Variants in GPNMB observed in about 807,000 individuals in gnomAD.
The protein encoded by GPNMB is transmembrane glycoprotein NMB.
Under a neutral mutation model 57.3 loss-of-function variants are expected in GPNMB, and 71 were observed. The ratio of observed to expected loss-of-function variants is 1.24; its 90% CI spans 1.02 to 1.51. GPNMB has a LOEUF of 1.51. Ranked by LOEUF, GPNMB falls within the 40% of genes most tolerant of loss-of-function variation. The pLI, the probability that GPNMB is intolerant of heterozygous loss-of-function variation, is 0.00. For synonymous variants in GPNMB, 253 were observed against 263.2 expected, an observed-to-expected ratio of 0.96 and a Z score of 0.38; for missense variants, 677 against 691.9, an observed-to-expected ratio of 0.98 and a Z score of 0.24.
At chr7:23,254,632 A>G (rs1782734979) in intron 3 of GPNMB, among the ~76,000 whole-genome samples, 2 of 152,204 alleles carry the variant, frequency 1.3e-5, no homozygotes. Context: ...TGCTTTTATT[A>G]CTTGGAACTC....
chr7:23,266,362 A>G, intron 6 of GPNMB, 155 bp from the exon 7 acceptor site: 5 of 664,716 alleles, frequency 7.5e-6, no homozygotes, highest in Admixed American at 2.9e-5. Context: ...AAATTATGAC[A>G]CATTTAGTTC....
rs141824090 is a variant in GPNMB, at chr7:23,274,035, A to T, written c.1524-30A>T. 714 of 1,544,704 alleles carry T rather than the reference A, an allele frequency of 4.6e-4. 2 individuals are homozygous for T. The African/African-American group carries it at 8.9e-3, about 19-fold the overall frequency. ...TGTATATTTCAACTGAAGATCTTTTAAAAATAACTAACCAACAGATTGTTT... is the reference window on the plus strand; with the variant it reads ...TGTATATTTCAACTGAAGATCTTTTTAAAATAACTAACCAACAGATTGTTT... On this transcript the variant is annotated intron_variant, in intron 10 of 10. Transcript: ENST00000258733.
Position 23,260,066 on chromosome 7 carries a change from G to A in GPNMB, c.628G>A (p.Val210Met). Residue 210 changes from valine (V) to methionine (M), a missense_variant, in exon 5 of 11, where the codon GTG becomes ATG. Transcript: ENST00000258733. ...NVTLGPQLME[V>M]TVYRRHGRAY... ...GACACTTGGGCCTCAACTCATGGAA[G>A]TGACTGTCTACAGAAGACATGGACG... The A allele has an allele frequency of 6.2e-7, 1 of 1,614,074 alleles. No individual in the cohort carries two copies. Among genetic ancestry groups the A allele is most frequent in the Non-Finnish European group, 8.5e-7 (1 of 1,179,926 alleles).
intron 10 of GPNMB, 82 bp downstream of exon 10, chr7:23,273,696 C>T: frequency 1.1e-6 from 1 of 923,778 alleles, no homozygotes; most frequent in Non-Finnish European, 1.7e-6. Flanking sequence ...AGGCATTTTT[C>T]CCTTTTTTGC....
At chr7:23,263,584 C>G (rs1775250284) in intron 6 of GPNMB, among the ~76,000 whole-genome samples, 1 of 148,940 alleles carries the variant, frequency 6.7e-6, no homozygotes, top group Non-Finnish European at 1.5e-5. Flanking sequence ...TGCACTCCAG[C>G]CTGGGCGACA....
At chr7:23,266,276 G>T in intron 6 of GPNMB, 1 of 506,490 alleles carries the variant, frequency 2.0e-6, no homozygotes, top group East Asian at 3.4e-5. Context: ...TGCTTCTTGT[G>T]TTCACACAAA....
At chr7:23,261,986 C>A (rs1010864056) in intron 6 of GPNMB, among the ~76,000 whole-genome samples, 1 of 152,036 alleles carries the variant, frequency 6.6e-6, no homozygotes, top group South Asian at 2.1e-4. Context: ...ACTCAGCACC[C>A]CAGGATCCTG....
Position 23,246,811 on chromosome 7 carries a change from G to A in GPNMB, c.-47G>A. On this transcript the variant is annotated 5_prime_UTR_variant, in exon 1 of 11. Coordinates refer to ENST00000258733, the MANE Select transcript of GPNMB (RefSeq NM_002510.3). ...GTTGCTCTTGGTGGACGGGCCCAGAGGAATTCAGAGTTAAACCTTGAGTGC... is the reference window on the plus strand; with the variant it reads ...GTTGCTCTTGGTGGACGGGCCCAGAAGAATTCAGAGTTAAACCTTGAGTGC... 7.3e-7 allele frequency: 1 copy of A among 1,376,788 alleles called. No homozygotes were observed. The highest frequency in any genetic ancestry group is 1.0e-6 in the Non-Finnish European group (1 of 963,600). The allele number at this position is 1,376,788 out of a possible 1,614,324, so 85.3% of individuals were successfully genotyped here. A position where few individuals can be genotyped will look rare whatever the true frequency, so the allele number is the denominator to read the frequency against.
At chr7:23,262,587 T>C (rs1782950581) in intron 6 of GPNMB, among the ~76,000 whole-genome samples, 1 of 150,540 alleles carries the variant, frequency 6.6e-6, no homozygotes, top group African/African-American at 2.4e-5. Flanking sequence ...ATGTATGTAC[T>C]GTCATTTATT....
At chr7:23,266,339 C>T (rs979274358) in intron 6 of GPNMB, 178 bp from the exon 7 acceptor site, 6 of 614,850 alleles carry the variant, frequency 9.8e-6, no homozygotes, top group Non-Finnish European at 1.7e-5. Context: ...CCTTATAGCT[C>T]TCACATCTGT....
chr7:23,251,420 T>C (rs1413377900), intron 1 of GPNMB, among the ~76,000 whole-genome samples: 1 of 152,204 alleles, frequency 6.6e-6, no homozygotes, highest in Non-Finnish European at 1.5e-5. Flanking sequence ...GGGAGAACAA[T>C]TTAAGACCAT....
At chr7:23,250,122 C>T (rs112301293) in intron 1 of GPNMB, among the ~76,000 whole-genome samples, 2,580 of 152,182 alleles carry the variant, frequency 0.017, 25 homozygotes, top group African/African-American at 0.031. Context: ...AATTGAATCC[C>T]GTGGTTTTCT....
At chr7:23,266,093 C>G (rs926020369) in intron 6 of GPNMB, 1 of 159,858 alleles carries the variant, frequency 6.3e-6, no homozygotes, top group Admixed American at 6.1e-5. Flanking sequence ...GGACTACAGG[C>G]GCCCACCACC....
At position 23,268,005 on chromosome 7, in the gene GPNMB, C is replaced by A; in HGVS notation, c.1220+17C>A. On this transcript the variant is annotated intron_variant, in intron 8 of 10. Coordinates refer to ENST00000258733, the MANE Select transcript of GPNMB (RefSeq NM_002510.3). ...CCAAGGGAGGTGAGTATATTATCTC[C>A]GACAGAGGCATGGGTGGGTCAACTG... 1 of 1,484,644 alleles carries A rather than the reference C, an allele frequency of 6.7e-7. No individual in the cohort carries two copies. The highest frequency in any genetic ancestry group is 9.2e-7 in the Non-Finnish European group (1 of 1,085,066). The allele number at this position is 1,484,644 out of a possible 1,614,324, so 92.0% of individuals were successfully genotyped here. A position where few individuals can be genotyped will look rare whatever the true frequency, so the allele number is the denominator to read the frequency against.
intron 9 of GPNMB, among the ~76,000 whole-genome samples, chr7:23,271,803 C>T (rs931429540): frequency 6.6e-6 from 1 of 151,376 alleles, no homozygotes; most frequent in African/African-American, 2.4e-5. Context: ...CTCAAACAAA[C>T]AAACACAACA....
At position 23,256,880 on chromosome 7, in the gene GPNMB, A is replaced by G. The variant is rs533281446; in HGVS notation, c.368-12A>G. ...TAGATAACACTCATGGCTGGTTTCT[A>G]TCTCTGTTTAGAGGCTGGTTTATCT... On this transcript the variant is annotated splice_polypyrimidine_tract_variant and intron_variant, in intron 3 of 10. Coordinates refer to ENST00000258733, the MANE Select transcript of GPNMB (RefSeq NM_002510.3). 1.3e-5 allele frequency: 21 copies of G among 1,611,592 alleles called. No individual in the cohort carries two copies. The highest frequency in any genetic ancestry group is 1.0e-4 in the Admixed American group (6 of 59,998).
chr7:23,254,420 A>G, intron 3 of GPNMB, 108 bp downstream of exon 3: 1 of 844,008 alleles, frequency 1.2e-6, no homozygotes, highest in Non-Finnish European at 1.9e-6. Flanking sequence ...TTGCCACTGC[A>G]CTCCATGAGC....
chr7:23,256,722 A>G (rs1782786565), intron 3 of GPNMB, among the ~76,000 whole-genome samples, 170 bp from the exon 4 acceptor site: 1 of 152,244 alleles, frequency 6.6e-6, no homozygotes, highest in Non-Finnish European at 1.5e-5. Flanking sequence ...AAAAGTGCAC[A>G]AGTCATAAGC....
chr7:23,259,105 C>G (rs1261431137), intron 4 of GPNMB, among the ~76,000 whole-genome samples: 1 of 152,216 alleles, frequency 6.6e-6, no homozygotes, highest in Non-Finnish European at 1.5e-5. Flanking sequence ...AGGAATGACT[C>G]AGGGGTGTCC....
Sources: allele counts gnomAD v4.1 joint callset (sites outside exome capture counted in the v4.1 genomes callset), GRCh38; gene constraint gnomAD v4.1.1; transcripts MANE v1.5; gene names NCBI Gene and HGNC (gene_info 2026-07-23, HGNC 2026-07-21).